USP25: variants seen among roughly 807,000 people sequenced by gnomAD.
The protein encoded by USP25 is ubiquitin specific peptidase 25.
In USP25, 85 loss-of-function variants were observed where a neutral mutation model predicts 158.5. The ratio of observed to expected loss-of-function variants is 0.54; its 90% confidence interval spans 0.45 to 0.64. The LOEUF (loss-of-function observed/expected upper bound fraction) is 0.64, where lower values mean the gene tolerates loss of function less well. Ranked by LOEUF, USP25 falls within the 30% of genes least tolerant of loss-of-function variation. The pLI is 0.00. For synonymous variants in USP25, 464 were observed against 460.4 expected, an observed-to-expected ratio of 1.01 and a Z score of -0.10; for missense variants, 1,242 against 1,327.3, an observed-to-expected ratio of 0.94 and a Z score of 1.00.
intron 6 of USP25, among the ~76,000 whole-genome samples, chr21:15,802,624 A>C (rs2036187631): frequency 6.6e-6 from 1 of 151,672 alleles, no homozygotes; most frequent in East Asian, 1.9e-4. Context: ...TGACATATCA[A>C]AATTTGAGGA....
chr21:15,877,943 G>A lies in USP25; in HGVS notation c.3157G>A (p.Glu1053Lys). Residue 1053 changes from glutamate (E) to lysine (K), a missense_variant, in exon 25 of 26, where the codon GAA (glutamate) becomes AAA (lysine). Glu to Lys is a moderately conservative substitution (Grantham distance 56). This residue lies in a region of USP25 where 608 missense variants were observed against 605.2 expected (regional missense o/e 1.00). Transcript: ENST00000400183. ...EMEEKDILAV[E>K]DMRNRWCSYL... ...GGAAGAAAAGGATATACTAGCTGTA[G>A]AAGATATGAGAAATCGATGGTGTTC... 1 of 1,613,132 alleles carries A rather than the reference G, an allele frequency of 6.2e-7. No individual in the cohort carries two copies. The highest frequency in any genetic ancestry group is 8.5e-7 in the Non-Finnish European group (1 of 1,179,652).
intron 23 of USP25, among the ~76,000 whole-genome samples, chr21:15,873,211 A>G (rs897125332): frequency 1.5e-4 from 23 of 152,070 alleles, no homozygotes; most frequent in Non-Finnish European, 3.1e-4. Context: ...TCTCAGCTCA[A>G]GAAGTCCTTC....
chr21:15,742,125 C>G (rs1316505122), intron 1 of USP25, among the ~76,000 whole-genome samples: 1 of 142,450 alleles, frequency 7.0e-6, no homozygotes, highest in Non-Finnish European at 1.5e-5. Flanking sequence ...TTTTTTTTAA[C>G]AGTTTTTTAT....
chr21:15,833,203 A>G, intron 16 of USP25, 145 bp from the exon 17 acceptor site: 2 of 688,418 alleles, frequency 2.9e-6, no homozygotes, highest in African/African-American at 1.8e-5. Context: ...ATTATTTGCT[A>G]AGCAATAGTA....
chr21:15,739,801 A>C (rs1398757952), intron 1 of USP25, among the ~76,000 whole-genome samples: 1 of 152,226 alleles, frequency 6.6e-6, no homozygotes, highest in Non-Finnish European at 1.5e-5. Context: ...GAATGTCACT[A>C]TATAATGTGA....
intron 1 of USP25, among the ~76,000 whole-genome samples, chr21:15,759,307 C>T (rs902809138): frequency 9.2e-5 from 14 of 152,096 alleles, no homozygotes; most frequent in African/African-American, 3.1e-4. Flanking sequence ...CAAAAAGTAT[C>T]TTAAGACAAG....
At chr21:15,760,310 C>T (rs1485205322) in intron 1 of USP25, among the ~76,000 whole-genome samples, 1 of 152,182 alleles carries the variant, frequency 6.6e-6, no homozygotes, top group Non-Finnish European at 1.5e-5. Context: ...CTACCTAGAA[C>T]TTGGACAGGA....
At chr21:15,856,115 G>T (rs1006220455) in intron 20 of USP25, among the ~76,000 whole-genome samples, 4 of 152,138 alleles carry the variant, frequency 2.6e-5, no homozygotes, top group African/African-American at 9.7e-5. Context: ...GATGTAGCTG[G>T]GATAATGATG....
chr21:15,842,855 G>C (rs529606026), intron 18 of USP25, among the ~76,000 whole-genome samples: 1 of 152,176 alleles, frequency 6.6e-6, no homozygotes, highest in East Asian at 1.9e-4. Flanking sequence ...TATTTCTCCT[G>C]TCTCTCACCC....
chr21:15,879,928 G>A lies in USP25; in HGVS notation c.*1453G>A, dbSNP rs539276609. ...TATTGTATCTATCAAAATATGTTTGGGTTTAGATTTTAAGTTGTCTACTGA... is the reference window on the plus strand; with the variant it reads ...TATTGTATCTATCAAAATATGTTTGAGTTTAGATTTTAAGTTGTCTACTGA... On this transcript the variant is annotated 3_prime_UTR_variant, in exon 26 of 26. Coordinates refer to ENST00000400183, the MANE Select transcript of USP25 (RefSeq NM_001283041.3). The A allele has an allele frequency of 2.0e-5, 3 of 152,256 alleles. No individual in the cohort carries two copies. In the South Asian group the frequency reaches 6.2e-4, roughly 32 times the overall value. 9.4% of individuals were successfully genotyped at this position (152,256 alleles called of 1,614,324 possible). A position where few individuals can be genotyped will look rare whatever the true frequency, so the allele number is the denominator to read the frequency against.
intron 3 of USP25, among the ~76,000 whole-genome samples, chr21:15,769,680 TCATAGACA>T (rs1191948202): frequency 1.3e-5 from 2 of 152,250 alleles, no homozygotes; most frequent in East Asian, 3.9e-4. Context: ...GCAAACTCTG[TCATAGACA>T]TGACCATACA....
intron 23 of USP25, among the ~76,000 whole-genome samples, chr21:15,870,545 T>C (rs2039842891): frequency 6.6e-6 from 1 of 152,182 alleles, no homozygotes; most frequent in African/African-American, 2.4e-5. Context: ...TTGGATTAAT[T>C]TTCATTTAAA....
At chr21:15,793,891 C>T (rs1263787437) in intron 5 of USP25, among the ~76,000 whole-genome samples, 1 of 151,630 alleles carries the variant, frequency 6.6e-6, no homozygotes, top group East Asian at 1.9e-4. Flanking sequence ...ACCATTATTG[C>T]TTAACTCTAA....
chr21:15,877,690 CT>C, intron 24 of USP25, 105 bp from the exon 25 acceptor site: 2 of 793,442 alleles, frequency 2.5e-6, no homozygotes, highest in South Asian at 3.5e-5. Flanking sequence ...TGTTCTAATA[CT>C]GTTTGTGAAC....
rs2038804251 is a variant in USP25, at chr21:15,849,868, TTAAGGTACAATGA to T, written c.2544_2547+9del. 2 of 1,507,128 alleles carry T rather than the reference TTAAGGTACAATGA, an allele frequency of 1.3e-6. No individual in the cohort carries two copies. Among genetic ancestry groups the T allele is most frequent in the Non-Finnish European group, 1.8e-6 (2 of 1,127,978 alleles). The allele number at this position is 1,507,128 out of a possible 1,614,324, so 93.4% of individuals were successfully genotyped here. A position where few individuals can be genotyped will look rare whatever the true frequency, so the allele number is the denominator to read the frequency against. ...AGGTGTGGCCCTGAAGCAGGGTTCT[TTAAGGTACAATGA>T]ACATTTTCATTTTCGTGTCTTTTCT... is the stretch of plus-strand genomic sequence containing the variant. On this transcript the variant is annotated splice_donor_variant and splice_donor_5th_base_variant and coding_sequence_variant and intron_variant, in exon 20 of 26. Coordinates refer to ENST00000400183, the MANE Select transcript of USP25 (RefSeq NM_001283041.3). LOFTEE classifies it high-confidence loss of function.
intron 20 of USP25, among the ~76,000 whole-genome samples, chr21:15,852,979 T>G (rs987598370): frequency 2.0e-5 from 3 of 152,266 alleles, no homozygotes; most frequent in South Asian, 4.1e-4. Flanking sequence ...TTTTTTCGTA[T>G]AAAAAATGAA....
chr21:15,844,670 T>C (rs2038496092), intron 18 of USP25, among the ~76,000 whole-genome samples: 2 of 152,192 alleles, frequency 1.3e-5, no homozygotes, highest in Admixed American at 6.5e-5. Context: ...TTAAATGGAA[T>C]ACTTAGGATA....
intron 20 of USP25, among the ~76,000 whole-genome samples, chr21:15,859,430 C>T (rs528532376): frequency 3.3e-5 from 5 of 152,132 alleles, no homozygotes; most frequent in African/African-American, 7.2e-5. Context: ...CTTCTGACCT[C>T]GTGATCTGCC....
At chr21:15,847,474 AT>A (rs1568884501) in intron 18 of USP25, among the ~76,000 whole-genome samples, 188 bp from the exon 19 acceptor site, 1 of 152,188 alleles carries the variant, frequency 6.6e-6, no homozygotes, top group Non-Finnish European at 1.5e-5. Context: ...CAATGCAGGT[AT>A]TTTTAAAAGA....
Sources: allele counts gnomAD v4.1 joint callset (sites outside exome capture counted in the v4.1 genomes callset), GRCh38; gene constraint gnomAD v4.1.1; regional missense constraint gnomAD v4.1.1; transcripts MANE v1.5; gene names NCBI Gene and HGNC (gene_info 2026-07-23, HGNC 2026-07-21).